The following FSTL4 variants were observed in gnomAD, a reference collection of about 807,000 sequenced individuals.
FSTL4 encodes the protein follistatin-related protein 4.
FSTL4 carries 28 observed loss-of-function variants against 78.2 expected under a neutral mutation model. The ratio of observed to expected loss-of-function variants is 0.36; its 90% CI spans 0.27 to 0.49. The LOEUF is 0.49. FSTL4 is among the 20% of genes least tolerant of loss of function. The pLI is 0.98. For missense variants in FSTL4, 922 were observed against 1,084.9 expected (o/e 0.85, Z 2.11); for synonymous variants, 422 against 440.5 (o/e 0.96, Z 0.53).
intron 11 of FSTL4, among the ~76,000 whole-genome samples, chr5:133,221,901 T>TGTTTG (rs1199798892): frequency 3.0e-5 from 3 of 99,190 alleles, no homozygotes; most frequent in Middle Eastern, 4.5e-3. Context: ...GTTTTTTTTT[T>TGTTTG]TTTTTTTTTT....
chr5:133,480,903 G>T (rs911453139), intron 3 of FSTL4, among the ~76,000 whole-genome samples: 3 of 152,126 alleles, frequency 2.0e-5, no homozygotes, highest in Admixed American at 2.0e-4. Flanking sequence ...AAACTTCCAA[G>T]AAAAGAGCAG....
At chr5:133,252,248 T>C (rs1157027685) in intron 6 of FSTL4, 1 of 152,212 alleles carries the variant, frequency 6.6e-6, no homozygotes, top group Non-Finnish European at 1.5e-5. Context: ...AATCAGATTT[T>C]CCCTGCACGT....
At chr5:133,594,968 GGATGGCT>G (rs886076677) in intron 2 of FSTL4, among the ~76,000 whole-genome samples, 1 of 152,190 alleles carries the variant, frequency 6.6e-6, no homozygotes, top group African/African-American at 2.4e-5. Flanking sequence ...CCCTCTGTGA[GGATGGCT>G]GGCAACCACC....
intron 3 of FSTL4, among the ~76,000 whole-genome samples, chr5:133,518,744 T>C (rs1386535067): frequency 6.6e-6 from 1 of 152,198 alleles, no homozygotes; most frequent in Non-Finnish European, 1.5e-5. Context: ...GGTTGGGAGA[T>C]ACATGCCAAT....
At chr5:133,522,757 C>T (rs1759004977) in intron 3 of FSTL4, among the ~76,000 whole-genome samples, 1 of 152,244 alleles carries the variant, frequency 6.6e-6, no homozygotes, top group South Asian at 2.1e-4. Flanking sequence ...AGCATTCATT[C>T]TAAAAGCCCC....
chr5:133,270,857 T>C (rs745686029), intron 6 of FSTL4, among the ~76,000 whole-genome samples: 69 of 152,294 alleles, frequency 4.5e-4, no homozygotes, highest in Non-Finnish European at 7.2e-4. Context: ...TAGGGTTGCA[T>C]AGTCATAATC....
At position 133,401,009 on chromosome 5, in the gene FSTL4, G is replaced by A. The variant is rs776888697; in HGVS notation, c.161-23C>T. 18 of 1,611,838 alleles carry A rather than the reference G, an allele frequency of 1.1e-5. No homozygotes were observed. The African/African-American group carries it at 1.2e-4, about 11-fold the overall frequency. ...GCCCTGCCAGACACACAAACACAGAGGGTCAGCTGTAAACACTCAGAGGGT... is the reference window on the plus strand; with the variant it reads ...GCCCTGCCAGACACACAAACACAGAAGGTCAGCTGTAAACACTCAGAGGGT... On this transcript the variant is annotated intron_variant, in intron 3 of 15. Transcript: ENST00000265342.
intron 3 of FSTL4, among the ~76,000 whole-genome samples, chr5:133,458,952 C>T (rs966624376): frequency 2.6e-5 from 4 of 152,128 alleles, no homozygotes; most frequent in Admixed American, 2.0e-4. Flanking sequence ...AGAGGCGCAG[C>T]GGACATTAGA....
At position 133,312,773 on chromosome 5, in the gene FSTL4, A is replaced by G. The variant is rs754760668; in HGVS notation, c.608T>C (p.Val203Ala). ...TTCATCCAGGTCCTGCTTCTTCAGCACATGCTGTGGGGTGAGGAGGAGAAC... is the reference window on the plus strand; with the variant it reads ...TTCATCCAGGTCCTGCTTCTTCAGCGCATGCTGTGGGGTGAGGAGGAGAAC... ...HLSSSELAQH[V>A]LKKQDLDEDL... The change falls in exon 6 of 16, where the codon GTG (valine) becomes GCG (alanine). Residue 203 changes from valine to alanine, a missense_variant. Physicochemically the swap from Val to Ala is moderately conservative, Grantham distance 64 (BLOSUM62 0). Transcript: ENST00000265342. 8.7e-5 allele frequency: 140 copies of G among 1,614,036 alleles called. No individual in the cohort carries two copies. The East Asian group carries it at 3.0e-3, about 35-fold the overall frequency.
At chr5:133,476,942 T>C (rs559554517) in intron 3 of FSTL4, among the ~76,000 whole-genome samples, 13 of 152,330 alleles carry the variant, frequency 8.5e-5, no homozygotes, top group Admixed American at 2.0e-4. Flanking sequence ...ACCCATGACC[T>C]TGGCCTCTTA....
chr5:133,202,995 T>TG lies in FSTL4; in HGVS notation c.1717-954dup, dbSNP rs1405070013. Among the ~76,000 whole-genome samples, 5 of 152,328 alleles carry TG rather than the reference T, an allele frequency of 3.3e-5. No individual in the cohort carries two copies. The East Asian group carries it at 9.7e-4, about 29-fold the overall frequency. The stretch of plus-strand genomic sequence containing the variant: ...TGGAGTCCCTGCCATGAAACCCCTG[T>TG]GGTCAGGCTGGGCAGCCCCTCTGTC... On this transcript the variant is annotated intron_variant, in intron 14 of 15. Transcript: ENST00000265342.
chr5:133,537,049 T>A (rs189052950), intron 3 of FSTL4, among the ~76,000 whole-genome samples: 1 of 152,192 alleles, frequency 6.6e-6, no homozygotes, highest in African/African-American at 2.4e-5. Context: ...AGCCAAACTG[T>A]TTCCCAAAAG....
chr5:133,672,915 G>A, the FSTL4 span, among the ~76,000 whole-genome samples: 1 of 152,184 alleles, frequency 6.6e-6, no homozygotes, highest in Non-Finnish European at 1.5e-5. Context: ...AAGACGGTCA[G>A]GGCACAGCTT....
intron 4 of FSTL4, among the ~76,000 whole-genome samples, chr5:133,328,902 A>G (rs756387070): frequency 2.6e-5 from 4 of 152,200 alleles, no homozygotes; most frequent in Non-Finnish European, 5.9e-5. Flanking sequence ...CCGGCTGTGG[A>G]GCTGGCAGTA....
chr5:133,816,799 C>T, the FSTL4 span, among the ~76,000 whole-genome samples: 5 of 152,220 alleles, frequency 3.3e-5, no homozygotes, highest in Admixed American at 3.3e-4. Flanking sequence ...GAGGCACTGA[C>T]CCTTCCTCTC....
At chr5:133,341,225 A>ATTTTT (rs1242311488) in intron 4 of FSTL4, among the ~76,000 whole-genome samples, 16 of 125,492 alleles carry the variant, frequency 1.3e-4, no homozygotes, top group Admixed American at 7.3e-4. Context: ...TCCTGCTCAC[A>ATTTTT]TTTTTTTTTT....
the FSTL4 span, among the ~76,000 whole-genome samples, chr5:133,798,767 T>C: frequency 2.6e-5 from 4 of 152,064 alleles, no homozygotes; most frequent in African/African-American, 9.7e-5. Flanking sequence ...TACAGCCCTG[T>C]ACTCCCCAAA....
chr5:133,240,698 T>C (rs1751841854), intron 7 of FSTL4, among the ~76,000 whole-genome samples: 1 of 152,170 alleles, frequency 6.6e-6, no homozygotes, highest in African/African-American at 2.4e-5. Context: ...GCATGACTCA[T>C]CTCTTTGTGC....
chr5:133,339,548 A>G (rs1754540124), intron 4 of FSTL4, among the ~76,000 whole-genome samples: 1 of 152,074 alleles, frequency 6.6e-6, no homozygotes, highest in Non-Finnish European at 1.5e-5. Flanking sequence ...ACATGAGCCA[A>G]TGGGGGTCCT....
Sources: gnomAD v4.1 joint callset for allele counts (sites outside exome capture counted in the v4.1 genomes callset) on GRCh38, gnomAD v4.1.1 for gene constraint, MANE v1.5 for transcripts, NCBI Gene and HGNC (gene_info 2026-07-23, HGNC 2026-07-21) for gene names.